The following RUFY4 variants were observed in gnomAD, a reference collection of about 807,000 sequenced individuals.
RUFY4 encodes the protein RUN and FYVE domain containing 4.
Under a neutral mutation model 69.0 loss-of-function variants are expected in RUFY4, and 73 were observed. That is an observed-to-expected ratio of 1.06 (90% CI 0.88 to 1.29). RUFY4 has a LOEUF of 1.29. Ranked by LOEUF, RUFY4 falls within the 50% of genes most tolerant of loss-of-function variation. The probability of loss-of-function intolerance (pLI) is 0.00; values close to 1 mark genes in which losing one functional copy is unlikely to be tolerated. For synonymous variants in RUFY4, 287 were observed against 271.8 expected (o/e 1.06, Z -0.55); for missense variants, 770 against 705.6 (o/e 1.09, Z -1.03).
chr2:218,089,953 C>T (rs1689992151), exon 11 of RUFY4: 3 of 1,557,490 alleles, frequency 1.9e-6, no homozygotes, highest in Non-Finnish European at 2.6e-6. Context: ...GCCTTCCAGG[C>T]TCTGTGGAGG....
At chr2:218,087,796 T>A (rs924721364) in intron 9 of RUFY4, among the ~76,000 whole-genome samples, 2 of 151,700 alleles carry the variant, frequency 1.3e-5, no homozygotes, top group African/African-American at 2.4e-5. Context: ...GCCACAGCAC[T>A]CCAGCCTGGG....
chr2:218,043,210 C>T (rs1222945876), intron 2 of RUFY4, among the ~76,000 whole-genome samples: 1 of 151,750 alleles, frequency 6.6e-6, no homozygotes, highest in African/African-American at 2.4e-5. Context: ...TCTCTGTAGG[C>T]AAGTCATCCC....
chr2:218,044,580 T>C (rs1469202996), intron 2 of RUFY4, among the ~76,000 whole-genome samples: 2 of 152,180 alleles, frequency 1.3e-5, no homozygotes, highest in Non-Finnish European at 2.9e-5. Flanking sequence ...TGATCCTTTT[T>C]CTTTCTCCTC....
chr2:218,054,820 T>A (rs2106033672), intron 2 of RUFY4, among the ~76,000 whole-genome samples: 1 of 152,342 alleles, frequency 6.6e-6, no homozygotes, highest in Non-Finnish European at 1.5e-5. Flanking sequence ...GTGAGGCAAA[T>A]TTTCATGAAC....
At chr2:218,076,006 C>A (rs1000726269) in intron 7 of RUFY4, among the ~76,000 whole-genome samples, 1 of 152,176 alleles carries the variant, frequency 6.6e-6, no homozygotes, top group African/African-American at 2.4e-5. Flanking sequence ...AGTTTGAGAT[C>A]CCTTCCCAGC....
chr2:218,074,982 G>A (rs549373774), intron 6 of RUFY4, 111 bp from the exon 9 acceptor site: 57 of 1,177,246 alleles, frequency 4.8e-5, no homozygotes, highest in Middle Eastern at 3.0e-4. Context: ...AGAGGACCTG[G>A]TACCTATCTA....
intron 1 of RUFY4, 50 bp from the exon 4 acceptor site, chr2:218,070,703 G>C (rs1456244310): frequency 1.3e-6 from 2 of 1,535,194 alleles, no homozygotes; most frequent in South Asian, 2.4e-5. Flanking sequence ...AGAAGTCAGG[G>C]TCTGGGAGCC....
intron 8 of RUFY4, among the ~76,000 whole-genome samples, chr2:218,077,569 G>T (rs564313130): frequency 6.6e-6 from 1 of 152,238 alleles, no homozygotes; most frequent in South Asian, 2.1e-4. Context: ...CAGCCTCTCT[G>T]TGTCTCTCTC....
intron 2 of RUFY4, among the ~76,000 whole-genome samples, chr2:218,041,642 T>C (rs1192423285): frequency 6.6e-6 from 1 of 152,194 alleles, no homozygotes; most frequent in Admixed American, 6.5e-5. Flanking sequence ...ATTTGGTCTA[T>C]CCTGTTGGGA....
chr2:218,087,052 C>T (rs895800599), intron 9 of RUFY4, among the ~76,000 whole-genome samples: 13 of 152,028 alleles, frequency 8.6e-5, no homozygotes, highest in Admixed American at 5.9e-4. Flanking sequence ...TATGTATTAT[C>T]TAATAATGTA....
chr2:218,087,842 A>C (rs1689929498), intron 9 of RUFY4, among the ~76,000 whole-genome samples: 1 of 152,156 alleles, frequency 6.6e-6, no homozygotes, highest in African/African-American at 2.4e-5. Flanking sequence ...AAGAAAAAAA[A>C]AATTACAATG....
intron 10 of RUFY4, 133 bp downstream of exon 12, chr2:218,089,495 C>T: frequency 1.2e-5 from 8 of 683,684 alleles, no homozygotes; most frequent in Non-Finnish European, 1.3e-5. Context: ...GCTGACTACT[C>T]ATTCTACCAC....
chr2:218,037,697 T>C (rs1959000002), intron 2 of RUFY4, among the ~76,000 whole-genome samples: 1 of 152,222 alleles, frequency 6.6e-6, no homozygotes. Flanking sequence ...CATTTTCAAA[T>C]ATGACATCCC....
chr2:218,049,830 C>T (rs561806745), intron 2 of RUFY4, among the ~76,000 whole-genome samples: 2 of 152,220 alleles, frequency 1.3e-5, no homozygotes, highest in East Asian at 3.9e-4. Context: ...TATCTTTGAC[C>T]TTCTTTATCT....
chr2:218,070,111 G>GA (rs1425045518), upstream of RUFY4, among the ~76,000 whole-genome samples: 9 of 152,170 alleles, frequency 5.9e-5, no homozygotes, highest in South Asian at 2.1e-4. Context: ...ACTCCATGGG[G>GA]AAGGAGTGGA....
rs151219736 is a variant in RUFY4, at chr2:218,042,739, G to T, written c.-1158+7345G>T. 3.3e-5 allele frequency among the ~76,000 whole-genome samples: 5 copies of T among 152,156 alleles called. No individual in the cohort carries two copies. The East Asian group carries it at 9.7e-4, about 29-fold the overall frequency. On this transcript the variant is annotated intron_variant and NMD_transcript_variant, in intron 2 of 13. Transcript: ENST00000457754. ...GCTTCAGCTTGAAGGGCTCGGGAAA[G>T]GGGCAGTTTTAATTTTTAGTGAAAC...
rs979144418 is a variant in RUFY4, at chr2:218,047,894, A to C, written c.-1157-10701A>C. 2.6e-5 allele frequency among the ~76,000 whole-genome samples: 4 copies of C among 152,242 alleles called. No individual in the cohort carries two copies. The East Asian group carries it at 7.7e-4, about 29-fold the overall frequency. On this transcript the variant is annotated intron_variant and NMD_transcript_variant, in intron 2 of 13. Coordinates refer to the RUFY4 transcript ENST00000457754. ...ATATTTTCATATTTAATTTTAATCT[A>C]TAAGTCTATCCTATTGGAAAGTTCC...
At chr2:218,043,253 G>A (rs1688742592) in intron 2 of RUFY4, among the ~76,000 whole-genome samples, 1 of 151,982 alleles carries the variant, frequency 6.6e-6, no homozygotes, top group Non-Finnish European at 1.5e-5. Context: ...GAGAGGGTAG[G>A]TCTTCTCTGC....
chr2:218,039,645 G>T (rs1959032600), intron 2 of RUFY4, among the ~76,000 whole-genome samples: 1 of 152,166 alleles, frequency 6.6e-6, no homozygotes, highest in Non-Finnish European at 1.5e-5. Context: ...GCTAAGGCAG[G>T]TTCCCAGAGA....
Sources: allele counts gnomAD v4.1 joint callset (sites outside exome capture counted in the v4.1 genomes callset), GRCh38; gene constraint gnomAD v4.1.1; transcripts MANE v1.5; gene names NCBI Gene and HGNC (gene_info 2026-07-23, HGNC 2026-07-21).